Variants in REPS2 observed in about 807,000 individuals in gnomAD.
REPS2 encodes ralBP1-associated Eps domain-containing protein 2.
Under a neutral mutation model 53.6 loss-of-function variants are expected in REPS2, and 23 were observed. The ratio of observed to expected loss-of-function variants is 0.43; its 90% CI spans 0.31 to 0.61. REPS2 has a LOEUF of 0.61. Among genes scored for constraint, REPS2 ranks in the 20% least tolerant of loss-of-function variants. The pLI, the probability that REPS2 is intolerant of heterozygous loss-of-function variation, is 0.11. For synonymous variants in REPS2, 238 were observed against 218.6 expected, an observed-to-expected ratio of 1.09 and a Z score of -0.78; for missense variants, 446 against 534.9, an observed-to-expected ratio of 0.83 and a Z score of 1.64.
At chrX:17,000,723 CT>C (rs371579601) in intron 1 of REPS2, among the ~76,000 whole-genome samples, 8 of 107,170 alleles carry the variant, frequency 7.5e-5, no homozygotes, top group East Asian at 2.9e-4. Flanking sequence ...TAACTGAGGA[CT>C]TTTTTTTTTG....
At chrX:16,958,639 G>C (rs188107898) in intron 1 of REPS2, among the ~76,000 whole-genome samples, 1 of 112,161 alleles carries the variant, frequency 8.9e-6, no homozygotes, top group East Asian at 2.8e-4. Flanking sequence ...ACTATGGCCA[G>C]AGAGGGGCCA....
intron 1 of REPS2, among the ~76,000 whole-genome samples, chrX:16,953,417 A>G (rs747582753): frequency 6.5e-4 from 73 of 111,605 alleles, no homozygotes; most frequent in African/African-American, 1.9e-3. Context: ...AAAGCCTGCT[A>G]TGTCCCCTTC....
At chrX:16,982,719 C>T (rs1432954824) in intron 1 of REPS2, among the ~76,000 whole-genome samples, 2 of 111,936 alleles carry the variant, frequency 1.8e-5, no homozygotes, top group African/African-American at 6.5e-5. Context: ...TGATGTGTGC[C>T]TTCTTCCAGG....
At chrX:17,029,462 TGAA>T (rs2061682287) in intron 4 of REPS2, 61 bp from the exon 5 acceptor site, 2 of 778,069 alleles carry the variant, frequency 2.6e-6, no homozygotes, top group Non-Finnish European at 3.9e-6. Flanking sequence ...AGTTTGAATG[TGAA>T]GTCATAATTT....
chrX:17,126,542 G>A (rs996438726), intron 14 of REPS2, among the ~76,000 whole-genome samples: 1 of 112,096 alleles, frequency 8.9e-6, no homozygotes, highest in Non-Finnish European at 1.9e-5. Context: ...GATGGGCTAC[G>A]CAAAGGCAAG....
intron 13 of REPS2, among the ~76,000 whole-genome samples, chrX:17,081,275 GCAAAGAAAAAT>G: frequency 9.0e-6 from 1 of 111,557 alleles, no homozygotes; most frequent in Middle Eastern, 4.6e-3. Context: ...GAGAGAAGAT[GCAAAGAAAAAT>G]GAAAGGAAAA....
At position 17,148,959 on chromosome X, in the gene REPS2, C is replaced by T. The variant is rs2063542321; in HGVS notation, c.*1478C>T. 2.7e-6 allele frequency: 1 copy of T among 373,386 alleles called. No individual in the cohort carries two copies. Among genetic ancestry groups the T allele is most frequent in the South Asian group, 2.3e-5 (1 of 42,614 alleles). 30.8% of individuals were successfully genotyped at this position (373,386 alleles called of 1,213,427 possible). ...TAGAGCTGAGAGCTTTTAGAACAAG[C>T]AGGCATTTATTTAATGTTTCCTTAG... On this transcript the variant is annotated 3_prime_UTR_variant, in exon 18 of 18. Transcript: ENST00000357277.
At chrX:17,038,839 C>T (rs761709310) in intron 5 of REPS2, among the ~76,000 whole-genome samples, 1 of 112,126 alleles carries the variant, frequency 8.9e-6, no homozygotes, top group South Asian at 3.8e-4. Flanking sequence ...AGGCAGGGCC[C>T]TGTGGGCTAT....
At chrX:16,949,009 G>C (rs183282001) in intron 1 of REPS2, among the ~76,000 whole-genome samples, 145 of 111,396 alleles carry the variant, frequency 1.3e-3, no homozygotes, top group African/African-American at 4.1e-3. Context: ...CTGGACATGT[G>C]ATCCTAAGAG....
intron 13 of REPS2, among the ~76,000 whole-genome samples, chrX:17,094,224 A>G (rs1602997091): frequency 1.8e-5 from 2 of 112,152 alleles, no homozygotes; most frequent in East Asian, 5.5e-4. Context: ...TCTTGGATAT[A>G]CAATCATCAG....
At chrX:17,025,219 C>T (rs745352039) in intron 4 of REPS2, 34 bp downstream of exon 4, 1 of 1,191,238 alleles carries the variant, frequency 8.4e-7, no homozygotes, top group Non-Finnish European at 1.1e-6. Context: ...CTGTCCCAGG[C>T]AGTGTCTTAG....
At chrX:17,008,839 A>T (rs1039101385) in intron 2 of REPS2, among the ~76,000 whole-genome samples, 1 of 110,985 alleles carries the variant, frequency 9.0e-6, no homozygotes, top group African/African-American at 3.3e-5. Flanking sequence ...GGATACCCTT[A>T]TGTCATGAAT....
intron 2 of REPS2, among the ~76,000 whole-genome samples, chrX:17,010,450 T>C (rs759677259): frequency 1.8e-5 from 2 of 112,217 alleles, no homozygotes; most frequent in African/African-American, 3.2e-5. Flanking sequence ...GAGGTGATCC[T>C]TGGGTGGGCC....
chrX:17,147,379 C>CT (rs1569203647), intron 17 of REPS2, 34 bp from the exon 18 acceptor site: 2 of 1,143,364 alleles, frequency 1.7e-6, no homozygotes, highest in African/African-American at 1.8e-5. Flanking sequence ...GACCCCTTTG[C>CT]TTTTTTGTTT....
intron 13 of REPS2, among the ~76,000 whole-genome samples, chrX:17,091,321 T>A (rs1371864142): frequency 8.9e-6 from 1 of 111,904 alleles, no homozygotes; most frequent in Non-Finnish European, 1.9e-5. Flanking sequence ...TTCTGTCATG[T>A]TTATTCCCTG....
At chrX:17,114,822 T>C (rs1603056597) in intron 14 of REPS2, among the ~76,000 whole-genome samples, 1 of 112,355 alleles carries the variant, frequency 8.9e-6, no homozygotes, top group Non-Finnish European at 1.9e-5. Context: ...CACTCTTAAA[T>C]AGTAATTCTG....
At chrX:16,978,917 C>T (rs1268098736) in intron 1 of REPS2, among the ~76,000 whole-genome samples, 2 of 111,380 alleles carry the variant, frequency 1.8e-5, no homozygotes, top group African/African-American at 6.5e-5. Context: ...CATTTAATAA[C>T]ACGTGAGGCA....
chrX:17,038,319 A>G (rs186471473), intron 5 of REPS2, among the ~76,000 whole-genome samples: 25 of 112,608 alleles, frequency 2.2e-4, no homozygotes, highest in African/African-American at 7.4e-4. Context: ...GCTGTGAAGG[A>G]TGAATAGAAG....
At chrX:16,949,783 CAT>C (rs1274099735) in intron 1 of REPS2, among the ~76,000 whole-genome samples, 4 of 110,947 alleles carry the variant, frequency 3.6e-5, no homozygotes, top group Non-Finnish European at 1.9e-5. Flanking sequence ...GCAGAGTACC[CAT>C]ATATCCCCTG....
Sources: allele counts gnomAD v4.1 joint callset (sites outside exome capture counted in the v4.1 genomes callset), GRCh38; gene constraint gnomAD v4.1.1; transcripts MANE v1.5; gene names NCBI Gene and HGNC (gene_info 2026-07-23, HGNC 2026-07-21).